LRMDA: variants seen among roughly 807,000 people sequenced by gnomAD.
LRMDA encodes the protein leucine-rich melanocyte differentiation-associated protein.
LRMDA carries 18 observed loss-of-function variants against 29.8 expected under a neutral mutation model. The ratio of observed to expected loss-of-function variants is 0.60; its 90% CI spans 0.42 to 0.90. The LOEUF is 0.90. Ranked by LOEUF, LRMDA falls within the 40% of genes least tolerant of loss-of-function variation. The pLI, the probability that LRMDA is intolerant of heterozygous loss-of-function variation, is 0.00. For synonymous variants in LRMDA, 125 were observed against 109.4 expected (o/e 1.14, Z -0.89); for missense variants, 273 against 273.9 (o/e 1.00, Z 0.02).
chr10:75,604,457 A>G (rs906620456), intron 2 of LRMDA, among the ~76,000 whole-genome samples: 1 of 152,192 alleles, frequency 6.6e-6, no homozygotes, highest in African/African-American at 2.4e-5. Flanking sequence ...TCTTCCAGTT[A>G]TTCCTTACTA....
At chr10:75,967,531 T>C (rs924274691) in intron 2 of LRMDA, among the ~76,000 whole-genome samples, 1 of 152,218 alleles carries the variant, frequency 6.6e-6, no homozygotes, top group Non-Finnish European at 1.5e-5. Context: ...TTATCATGTA[T>C]CAACATAATA....
chr10:76,227,091 T>C (rs539895343), intron 5 of LRMDA, among the ~76,000 whole-genome samples: 5 of 152,182 alleles, frequency 3.3e-5, no homozygotes, highest in Non-Finnish European at 7.3e-5. Flanking sequence ...GAATTCCCCA[T>C]GCCTGTTTGC....
intron 5 of LRMDA, among the ~76,000 whole-genome samples, chr10:76,127,968 A>C (rs1249660126): frequency 6.6e-6 from 1 of 152,164 alleles, no homozygotes; most frequent in Non-Finnish European, 1.5e-5. Context: ...TTAAAAAAAA[A>C]CAACAACAAC....
chr10:75,771,455 G>A (rs1045957676), intron 2 of LRMDA, among the ~76,000 whole-genome samples: 1 of 152,158 alleles, frequency 6.6e-6, no homozygotes, highest in Non-Finnish European at 1.5e-5. Context: ...GAACATTCCC[G>A]AGAGAGGGCA....
At chr10:75,495,506 A>G (rs16932305) in intron 2 of LRMDA, among the ~76,000 whole-genome samples, 1 of 152,100 alleles carries the variant, frequency 6.6e-6, no homozygotes, top group Non-Finnish European at 1.5e-5. Context: ...TACAGAGGAA[A>G]AAGTGACCAA....
intron 2 of LRMDA, among the ~76,000 whole-genome samples, chr10:75,798,695 T>C (rs542563854): frequency 6.6e-6 from 1 of 152,130 alleles, no homozygotes; most frequent in Non-Finnish European, 1.5e-5. Flanking sequence ...GTTTTAAACA[T>C]TTTCTTGTGA....
Position 76,037,342 on chromosome 10 carries a change from A to G in LRMDA, c.258+1208A>G, listed in dbSNP as rs181245718. ...GTTCACATTCATACAATAAGTTAGA[A>G]ATAGAAAAGGAGACAAGGCATTTTC... On this transcript the variant is annotated intron_variant, in intron 3 of 6. Transcript: ENST00000611255. Among the ~76,000 whole-genome samples, 8 of 152,360 alleles carry G rather than the reference A, an allele frequency of 5.3e-5. No individual in the cohort carries two copies. The East Asian group carries it at 1.2e-3, about 22-fold the overall frequency.
chr10:76,426,957 G>A (rs1208082122), intron 6 of LRMDA, among the ~76,000 whole-genome samples: 1 of 152,142 alleles, frequency 6.6e-6, no homozygotes. Context: ...TGTTCCATTG[G>A]TCTGTGTCTC....
chr10:75,602,421 G>C (rs1840898860), intron 2 of LRMDA, among the ~76,000 whole-genome samples: 1 of 152,046 alleles, frequency 6.6e-6, no homozygotes, highest in Non-Finnish European at 1.5e-5. Flanking sequence ...TTTTATTTTG[G>C]TTCCTCTCCA....
rs78700724 is a variant in LRMDA, at chr10:75,615,711, G to A, written c.131+177217G>A. On this transcript the variant is annotated intron_variant, in intron 2 of 6. Coordinates refer to ENST00000611255, the MANE Select transcript of LRMDA (RefSeq NM_001305581.2). ...ATGGTATTGGAAAAAACATTAATGA[G>A]CAAGGAACCAGGAGAGCAGAGTTAA... Among the ~76,000 whole-genome samples the A allele has an allele frequency of 9.8e-3, 1,496 of 152,248 alleles. 16 individuals carry two copies. Among genetic ancestry groups the A allele is most frequent in the African/African-American group, 0.028 (1,178 of 41,554 alleles).
chr10:76,418,208 G>T (rs956185033), intron 6 of LRMDA, among the ~76,000 whole-genome samples: 1 of 151,942 alleles, frequency 6.6e-6, no homozygotes, highest in African/African-American at 2.4e-5. Context: ...GAATTTATAG[G>T]CCAATTTGTG....
At chr10:76,097,605 T>G (rs1170023553) in intron 5 of LRMDA, among the ~76,000 whole-genome samples, 1 of 152,178 alleles carries the variant, frequency 6.6e-6, no homozygotes, top group Non-Finnish European at 1.5e-5. Flanking sequence ...CTATCTCTAG[T>G]TTGCTGAAAG....
intron 2 of LRMDA, among the ~76,000 whole-genome samples, chr10:75,713,647 G>A (rs1842464212): frequency 6.6e-6 from 1 of 152,198 alleles, no homozygotes; most frequent in Admixed American, 6.5e-5. Context: ...TTCAAAATGA[G>A]CCACAGACTT....
chr10:75,533,753 A>T (rs913991939), intron 2 of LRMDA, among the ~76,000 whole-genome samples: 12 of 152,202 alleles, frequency 7.9e-5, no homozygotes, highest in Admixed American at 4.6e-4. Context: ...TATCACTGGG[A>T]GAGTTGGGCC....
intron 2 of LRMDA, among the ~76,000 whole-genome samples, chr10:75,905,325 A>T (rs952093733): frequency 2.7e-5 from 4 of 150,698 alleles, no homozygotes; most frequent in South Asian, 2.1e-4. Flanking sequence ...ATTTTTTTTT[A>T]AAAAGATTCT....
At chr10:75,773,806 A>G (rs1481249279) in intron 2 of LRMDA, among the ~76,000 whole-genome samples, 1 of 152,116 alleles carries the variant, frequency 6.6e-6, no homozygotes, top group Admixed American at 6.5e-5. Flanking sequence ...TTCCTCAACT[A>G]TCCTGGCCCA....
chr10:76,506,803 A>T (rs1842963880), intron 6 of LRMDA, among the ~76,000 whole-genome samples: 1 of 151,856 alleles, frequency 6.6e-6, no homozygotes, highest in Admixed American at 6.6e-5. Flanking sequence ...ACAGGATTTC[A>T]TTCTTTTTAT....
At position 76,557,279 on chromosome 10, in the gene LRMDA, C is replaced by T. The variant is rs759318167; in HGVS notation, c.672C>T (p.Asp224=). 13 of 1,613,278 alleles carry T rather than the reference C, an allele frequency of 8.1e-6. No individual in the cohort carries two copies. Among genetic ancestry groups the T allele is most frequent in the African/African-American group, 8.0e-5 (6 of 74,886 alleles). Residue 224 remains aspartate (D), a synonymous_variant, in exon 7 of 7, where the codon GAC becomes GAT. Transcript: ENST00000611255. ...AGGGCAACAGGTTTATCCGAGATGA[C>T]CAGCTCTGAAGCCAACTTCTGTATA... ...NSEGNRFIRD[D]QL
intron 2 of LRMDA, among the ~76,000 whole-genome samples, chr10:75,565,894 G>A (rs917361138): frequency 2.0e-5 from 3 of 152,108 alleles, no homozygotes; most frequent in African/African-American, 7.2e-5. Context: ...AGGAAACATA[G>A]CGAGACCACA....
Sources: allele counts gnomAD v4.1 joint callset (sites outside exome capture counted in the v4.1 genomes callset), GRCh38; gene constraint gnomAD v4.1.1; transcripts MANE v1.5; gene names NCBI Gene and HGNC (gene_info 2026-07-23, HGNC 2026-07-21).